The following RUNX2 variants were observed in gnomAD, a reference collection of about 807,000 sequenced individuals.
The protein encoded by RUNX2 is RUNX family transcription factor 2, also known as runt-related transcription factor 2.
Under a neutral mutation model 51.7 loss-of-function variants are expected in RUNX2, and 10 were observed. The observed-to-expected ratio is 0.19, with a 90% CI of 0.12 to 0.33. The LOEUF is 0.33. Ranked by LOEUF, RUNX2 falls within the 10% of genes least tolerant of loss-of-function variation. The pLI is 1.00. For missense variants in RUNX2, 562 were observed against 691.3 expected (o/e 0.81, Z 2.10); for synonymous variants, 276 against 273.6 (o/e 1.01, Z -0.09).
intron 5 of RUNX2, among the ~76,000 whole-genome samples, chr6:45,441,045 A>T (rs940007363): frequency 6.6e-6 from 1 of 152,188 alleles, no homozygotes; most frequent in Non-Finnish European, 1.5e-5. Flanking sequence ...CTTTAGTAAA[A>T]GGCTTTCCTG....
chr6:45,482,333 C>T (rs1563105693), intron 5 of RUNX2, among the ~76,000 whole-genome samples: 1 of 152,148 alleles, frequency 6.6e-6, no homozygotes, highest in South Asian at 2.1e-4. Context: ...AATTTATTTC[C>T]TGAAGTTTGA....
chr6:45,473,045 AAT>A (rs1311843512), intron 5 of RUNX2, among the ~76,000 whole-genome samples: 3 of 152,146 alleles, frequency 2.0e-5, no homozygotes, highest in African/African-American at 7.2e-5. Context: ...TTCTTAAGGG[AAT>A]ATTCTTAGGC....
chr6:45,362,563 G>C (rs868495100), intron 2 of RUNX2, among the ~76,000 whole-genome samples: 8 of 152,182 alleles, frequency 5.3e-5, no homozygotes, highest in Middle Eastern at 3.4e-3. Flanking sequence ...AGAAATACCA[G>C]TAAATTTAAA....
At chr6:45,337,535 T>G (rs1788832913) in intron 2 of RUNX2, among the ~76,000 whole-genome samples, 1 of 151,850 alleles carries the variant, frequency 6.6e-6, no homozygotes, top group African/African-American at 2.4e-5. Context: ...TAAGTTCTTT[T>G]GCTACGCCAT....
At chr6:45,545,407 A>G in intron 8 of RUNX2, 125 bp downstream of exon 8, 1 of 1,035,244 alleles carries the variant, frequency 9.7e-7, no homozygotes, top group Non-Finnish European at 1.4e-6. Flanking sequence ...TTTTATTACA[A>G]ATGCACATCA....
Position 45,400,047 on chromosome 6 carries a change from A to AAAGGAGGGAGGGAAGGAAGGAAAG in RUNX2, c.59-22523_59-22500dup, listed in dbSNP as rs1478172686. ...GAGGGAGGGAGGGAAGGAAAGAAGG[A>AAAGGAGGGAGGGAAGGAAGGAAAG]AAGGAGGGAGGGAAGGAAGGAAAGA... On this transcript the variant is annotated intron_variant, in intron 2 of 8. Transcript: ENST00000647337. 7.0e-3 allele frequency among the ~76,000 whole-genome samples: 761 copies of AAAGGAGGGAGGGAAGGAAGGAAAG among 109,058 alleles called. 5 individuals carry two copies. Among genetic ancestry groups the AAAGGAGGGAGGGAAGGAAGGAAAG allele is most frequent in the Middle Eastern group, 0.019 (3 of 160 alleles). The allele number at this position is 109,058 out of a possible 152,430, so 71.5% of individuals were successfully genotyped here.
intron 7 of RUNX2, among the ~76,000 whole-genome samples, chr6:45,518,124 A>G (rs529770661): frequency 6.6e-6 from 1 of 152,342 alleles, no homozygotes; most frequent in South Asian, 2.1e-4. Context: ...CTACAGAACC[A>G]TTCCTTTCTT....
At position 45,354,773 on chromosome 6, in the gene RUNX2, G is replaced by A. The variant is rs116107431; in HGVS notation, c.58+25989G>A. On this transcript the variant is annotated intron_variant, in intron 2 of 8. Transcript: ENST00000647337. ...CCAGTACTTTGGGAGGCTGAGGCAG[G>A]AGGATCGCTTGAGGCTAGGGTTTAT... Among the ~76,000 whole-genome samples the A allele has an allele frequency of 2.7e-3, 408 of 152,214 alleles. 3 individuals carry two copies. The highest frequency in any genetic ancestry group is 0.01 in the Middle Eastern group (3 of 294).
At chr6:45,379,687 A>G (rs1042304104) in intron 2 of RUNX2, among the ~76,000 whole-genome samples, 8 of 152,276 alleles carry the variant, frequency 5.3e-5, no homozygotes, top group Admixed American at 3.9e-4. Flanking sequence ...CAACATGATG[A>G]AACCCCGTCT....
intron 2 of RUNX2, among the ~76,000 whole-genome samples, chr6:45,401,381 G>T (rs1466425247): frequency 6.6e-6 from 1 of 152,094 alleles, no homozygotes; most frequent in East Asian, 1.9e-4. Context: ...ACAATGCCTT[G>T]TTCATAGGAG....
At chr6:45,501,784 A>G (rs1800806959) in intron 6 of RUNX2, among the ~76,000 whole-genome samples, 1 of 152,174 alleles carries the variant, frequency 6.6e-6, no homozygotes, top group Non-Finnish European at 1.5e-5. Context: ...TCACTGTGGG[A>G]TGAAGTGTGA....
In RUNX2 at chr6:45,475,289, T is replaced by C. The variant is rs574653160; in HGVS notation, c.686-16652T>C. 5.3e-5 allele frequency among the ~76,000 whole-genome samples: 8 copies of C among 152,046 alleles called. No homozygotes were observed. In the East Asian group the frequency reaches 1.5e-3, roughly 29 times the overall value. On this transcript the variant is annotated intron_variant, in intron 5 of 8. Transcript: ENST00000647337. The stretch of plus-strand genomic sequence containing the variant: ...AAACATTTTTACTTCTATTTGAGGG[T>C]GGAGGGGAGGTTTTATTGAAGTCAA...
chr6:45,512,110 T>A (rs1801170177), intron 6 of RUNX2, 136 bp from the exon 7 acceptor site: 3 of 720,094 alleles, frequency 4.2e-6, no homozygotes, highest in East Asian at 2.7e-5. Context: ...TAGCCATTCC[T>A]TATATATTAT....
At chr6:45,376,548 A>G (rs1344446334) in intron 2 of RUNX2, among the ~76,000 whole-genome samples, 1 of 152,214 alleles carries the variant, frequency 6.6e-6, no homozygotes, top group African/African-American at 2.4e-5. Context: ...CAGATTATGG[A>G]ACATCTCCAT....
chr6:45,459,130 T>G (rs1279856715), intron 5 of RUNX2, among the ~76,000 whole-genome samples: 1 of 152,242 alleles, frequency 6.6e-6, no homozygotes, highest in African/African-American at 2.4e-5. Context: ...TCAGTTGAAT[T>G]TACTTTAGCT....
intron 2 of RUNX2, among the ~76,000 whole-genome samples, chr6:45,414,147 C>G (rs964169839): frequency 3.3e-5 from 5 of 152,154 alleles, no homozygotes; most frequent in Non-Finnish European, 7.3e-5. Context: ...TTTCATTCAA[C>G]TCTCCTTTTT....
rs562400039 is a variant in RUNX2 at position 45,433,501 on chromosome 6, T to A, written c.580+1482T>A. 4.0e-5 allele frequency among the ~76,000 whole-genome samples: 6 copies of A among 151,350 alleles called. No homozygotes were observed. In the East Asian group the frequency reaches 7.7e-4, roughly 19 times the overall value. On this transcript the variant is annotated intron_variant, in intron 4 of 8. Coordinates refer to ENST00000647337, the MANE Select transcript of RUNX2 (RefSeq NM_001024630.4). ...CTTATGTAATAATACTTTTTTTTTT[T>A]AACTAGAGTAATGAATTTTAGTTTT...
chr6:45,526,570 C>T (rs1285146593), intron 7 of RUNX2, among the ~76,000 whole-genome samples: 2 of 152,206 alleles, frequency 1.3e-5, no homozygotes, highest in African/African-American at 2.4e-5. Context: ...TGAAACATTA[C>T]TGTCATAGTG....
intron 5 of RUNX2, among the ~76,000 whole-genome samples, chr6:45,464,518 CTATCT>C (rs1799569081): frequency 6.6e-6 from 1 of 152,104 alleles, no homozygotes; most frequent in African/African-American, 2.4e-5. Flanking sequence ...TTCTAAAACT[CTATCT>C]ACAGCGGCCC....
Sources: allele counts gnomAD v4.1 joint callset (sites outside exome capture counted in the v4.1 genomes callset), GRCh38; gene constraint gnomAD v4.1.1; transcripts MANE v1.5; gene names NCBI Gene and HGNC (gene_info 2026-07-23, HGNC 2026-07-21).